The following RB1 variants were observed in gnomAD, a reference collection of about 807,000 sequenced individuals.
RB1 encodes the protein retinoblastoma-associated protein.
A neutral mutation model predicts 135.4 loss-of-function variants in RB1; 18 were observed. The ratio of observed to expected loss-of-function variants is 0.13; its 90% CI spans 0.09 to 0.20. RB1 has a LOEUF of 0.20. Ranked by LOEUF, RB1 falls within the 10% of genes least tolerant of loss-of-function variation. The pLI is 1.00. For missense variants in RB1, 868 were observed against 1,110.0 expected (o/e 0.78, Z 3.10); for synonymous variants, 365 against 373.2 (o/e 0.98, Z 0.25).
intron 3 of RB1, among the ~76,000 whole-genome samples, chr13:48,344,750 T>C (rs1215827779): frequency 6.6e-6 from 1 of 152,134 alleles, no homozygotes; most frequent in African/African-American, 2.4e-5. Flanking sequence ...ATGAAGCATA[T>C]GGTTTTATAT....
intron 2 of RB1, chr13:48,318,671 G>T: frequency 1.6e-6 from 1 of 614,072 alleles, no homozygotes; most frequent in South Asian, 1.7e-5. Context: ...TCTTGGGCGT[G>T]GACGGCCTCA....
intron 6 of RB1, among the ~76,000 whole-genome samples, chr13:48,353,655 G>T (rs962013019): frequency 1.8e-4 from 28 of 151,908 alleles, no homozygotes; most frequent in African/African-American, 6.8e-4. Flanking sequence ...GAAAACTATA[G>T]GCCAGTATTT....
intron 23 of RB1, among the ~76,000 whole-genome samples, chr13:48,472,198 C>CT (rs1384216844): frequency 4.6e-5 from 7 of 152,004 alleles, no homozygotes; most frequent in African/African-American, 1.7e-4. Flanking sequence ...ATGGTTGTAC[C>CT]TAATGGGCAA....
chr13:48,318,469 GC>G, intron 2 of RB1: 1 of 1,319,748 alleles, frequency 7.6e-7, no homozygotes, highest in Non-Finnish European at 1.1e-6. Flanking sequence ...TCGTCCAGGT[GC>G]CTCACCTCGT....
chr13:48,424,147 T>G (rs1949047142), intron 17 of RB1: 5 of 152,630 alleles, frequency 3.3e-5, no homozygotes, highest in Admixed American at 3.3e-4. Flanking sequence ...CAAATAAACC[T>G]TTTTCAATTT....
intron 23 of RB1, among the ~76,000 whole-genome samples, chr13:48,465,596 A>T (rs1272062341): frequency 6.6e-6 from 1 of 152,136 alleles, no homozygotes; most frequent in African/African-American, 2.4e-5. Flanking sequence ...TACAGCTCCC[A>T]GCGTGAGCGA....
chr13:48,452,405 C>T (rs1361826144), intron 17 of RB1, among the ~76,000 whole-genome samples: 1 of 151,902 alleles, frequency 6.6e-6, no homozygotes, highest in Non-Finnish European at 1.5e-5. Flanking sequence ...TATTTTATTT[C>T]TTTTTTATTG....
intron 17 of RB1, among the ~76,000 whole-genome samples, chr13:48,444,380 G>A (rs1264545493): frequency 6.6e-6 from 1 of 152,116 alleles, no homozygotes; most frequent in Non-Finnish European, 1.5e-5. Flanking sequence ...ATCTGGGTGT[G>A]GTGGCATGCC....
chr13:48,440,902 C>T (rs1262703415), intron 17 of RB1, among the ~76,000 whole-genome samples: 2 of 151,940 alleles, frequency 1.3e-5, no homozygotes, highest in African/African-American at 2.4e-5. Context: ...TAAGAATGCC[C>T]TATATTGTAA....
rs111254507 is a variant in RB1, at chr13:48,321,379, C to T, written c.264+13973C>T. Among the ~76,000 whole-genome samples the T allele has an allele frequency of 3.2e-3, 458 of 145,112 alleles. 1 individual carries two copies. The highest frequency in any genetic ancestry group is 0.011 in the African/African-American group (431 of 40,512). ...GGGGAGGAGGGGCAAGGGCCCTCCG[C>T]CCGGGCCCCGCCTCCCCGCGCGCCG... On this transcript the variant is annotated intron_variant, in intron 2 of 26. Coordinates refer to ENST00000267163, the MANE Select transcript of RB1 (RefSeq NM_000321.3).
At chr13:48,464,828 A>T (rs1949427036) in intron 21 of RB1, among the ~76,000 whole-genome samples, 170 bp from the exon 22 acceptor site, 1 of 152,158 alleles carries the variant, frequency 6.6e-6, no homozygotes, top group South Asian at 2.1e-4. Flanking sequence ...AAGCCTAAGA[A>T]GTAATTTTAT....
At chr13:48,388,174 T>C (rs556904189) in intron 17 of RB1, among the ~76,000 whole-genome samples, 6 of 152,322 alleles carry the variant, frequency 3.9e-5, no homozygotes, top group African/African-American at 1.4e-4. Flanking sequence ...CATTGTATTA[T>C]AAAATGTAGC....
At chr13:48,317,457 T>C in intron 2 of RB1, 1 of 419,680 alleles carries the variant, frequency 2.4e-6, no homozygotes, top group Admixed American at 4.0e-5. Context: ...CCCTTTCAGC[T>C]TCCTGGCTAG....
At chr13:48,392,750 T>TTC (rs56362226) in intron 17 of RB1, among the ~76,000 whole-genome samples, 3 of 151,282 alleles carry the variant, frequency 2.0e-5, no homozygotes, top group African/African-American at 7.3e-5. Context: ...TGACTGATAG[T>TTC]TCTCTCTCTC....
At chr13:48,311,044 A>G (rs1354423104) in intron 2 of RB1, among the ~76,000 whole-genome samples, 1 of 152,162 alleles carries the variant, frequency 6.6e-6, no homozygotes, top group Non-Finnish European at 1.5e-5. Context: ...GATTGGTAGT[A>G]TGGTAGAATG....
intron 20 of RB1, among the ~76,000 whole-genome samples, chr13:48,463,184 C>T (rs546195273): frequency 6.6e-6 from 1 of 152,250 alleles, no homozygotes; most frequent in African/African-American, 2.4e-5. Context: ...ATGTAATACA[C>T]ATATGTAAAA....
intron 17 of RB1, chr13:48,417,103 G>A (rs1948924528): frequency 6.6e-6 from 1 of 152,332 alleles, no homozygotes; most frequent in South Asian, 2.1e-4. Context: ...CCTCAAGTGG[G>A]TCTCTGACCC....
At chr13:48,463,302 T>A (rs1200604905) in intron 20 of RB1, among the ~76,000 whole-genome samples, 1 of 152,170 alleles carries the variant, frequency 6.6e-6, no homozygotes, top group Non-Finnish European at 1.5e-5. Context: ...CACATAAGAC[T>A]CTCTTACATG....
intron 13 of RB1, among the ~76,000 whole-genome samples, chr13:48,378,683 T>G (rs1952854800): frequency 6.6e-6 from 1 of 152,124 alleles, no homozygotes; most frequent in Non-Finnish European, 1.5e-5. Flanking sequence ...AAGTATTATG[T>G]ACTGTACATA....
Sources: allele counts gnomAD v4.1 joint callset (sites outside exome capture counted in the v4.1 genomes callset), GRCh38; gene constraint gnomAD v4.1.1; transcripts MANE v1.5; gene names NCBI Gene and HGNC (gene_info 2026-07-23, HGNC 2026-07-21).